The following RTTN variants were observed in gnomAD, a reference collection of about 807,000 sequenced individuals.
RTTN encodes rotatin.
RTTN carries 182 observed loss-of-function variants against 269.2 expected under a neutral mutation model. The ratio of observed to expected loss-of-function variants is 0.68; its 90% CI spans 0.60 to 0.76. The LOEUF (loss-of-function observed/expected upper bound fraction) is 0.76, where lower values mean the gene tolerates loss of function less well. RTTN is among the 30% of genes least tolerant of loss of function. RTTN has a pLI of 0.00. For missense variants in RTTN, 2,545 were observed against 2,608.6 expected, an observed-to-expected ratio of 0.98 and a Z score of 0.53; for synonymous variants, 1,006 against 963.5, an observed-to-expected ratio of 1.04 and a Z score of -0.82.
intron 28 of RTTN, among the ~76,000 whole-genome samples, chr18:70,103,099 G>A (rs2145370561): frequency 6.8e-6 from 1 of 147,950 alleles, no homozygotes; most frequent in Non-Finnish European, 1.5e-5. Context: ...TCTGGGATGT[G>A]AGGAGCGCCT....
chr18:70,071,440 A>G (rs2145030378), intron 34 of RTTN, among the ~76,000 whole-genome samples: 1 of 152,304 alleles, frequency 6.6e-6, no homozygotes, highest in Admixed American at 6.5e-5. Flanking sequence ...AACAGAAGAG[A>G]CCAAATTTTG....
Position 70,088,138 on chromosome 18 carries a change from T to A in RTTN, c.4153A>T (p.Thr1385Ser). 6.2e-7 allele frequency: 1 copy of A among 1,612,270 alleles called. No individual in the cohort carries two copies. Among genetic ancestry groups the A allele is most frequent in the Non-Finnish European group, 8.5e-7 (1 of 1,179,314 alleles). The change falls in exon 31 of 49, where the codon ACT becomes TCT. Residue 1385 changes from threonine (T) to serine (S), a missense_variant. Transcript: ENST00000640769. The part of the protein sequence containing the change: ...WVDRDPEVRF[T>S]SLGLGSALTT... ...AGTGCTGATCCTAATCCCAGTGAAGTGAATCTCACCTGTTCAAATTAAAGA... is the reference window on the plus strand; with the variant it reads ...AGTGCTGATCCTAATCCCAGTGAAGAGAATCTCACCTGTTCAAATTAAAGA...
chr18:70,086,579 T>C (rs1568354240), intron 32 of RTTN, 34 bp downstream of exon 32: 2 of 1,428,394 alleles, frequency 1.4e-6, no homozygotes, highest in Non-Finnish European at 9.7e-7. Flanking sequence ...ATTTGAAACA[T>C]CTACTAGGTT....
intron 23 of RTTN, among the ~76,000 whole-genome samples, chr18:70,132,447 T>C (rs75605236): frequency 1.2e-3 from 182 of 151,750 alleles, no homozygotes; most frequent in African/African-American, 4.2e-3. Flanking sequence ...TCATAGAAAA[T>C]ATTTTCTAAT....
intron 25 of RTTN, among the ~76,000 whole-genome samples, chr18:70,123,325 A>G (rs1327239639): frequency 6.6e-6 from 1 of 151,876 alleles, no homozygotes; most frequent in Non-Finnish European, 1.5e-5. Flanking sequence ...CACCTCAAAT[A>G]CTTATTTCTC....
chr18:70,140,759 A>C lies in RTTN; in HGVS notation c.2582-571T>G, dbSNP rs181993877. Among the ~76,000 whole-genome samples the C allele has an allele frequency of 2.0e-5, 3 of 152,272 alleles. No individual in the cohort carries two copies. The East Asian group carries it at 5.8e-4, about 29-fold the overall frequency. ...TTCACATATTATGTTTGTAATAAAG[A>C]AGTTTTTGTATATACATAAAAAAAT... On this transcript the variant is annotated intron_variant, in intron 19 of 48. Coordinates refer to ENST00000640769, the MANE Select transcript of RTTN (RefSeq NM_173630.4).
rs377013372 is a variant in RTTN at position 70,121,628 on chromosome 18, T to C, written c.3456A>G (p.Lys1152=). ...AATTTTTTCTTTGTTCCTTTATTAA[T>C]TTATTTAAAAAATGTATGATATCTA... The part of the protein sequence containing the change: ...LLIDIIHFLN[K]LIKEQRKNSS... Residue 1152 remains lysine, a synonymous_variant, in exon 26 of 49, where the codon AAA becomes AAG. Coordinates refer to ENST00000640769, the MANE Select transcript of RTTN (RefSeq NM_173630.4). 1.1e-5 allele frequency: 18 copies of C among 1,580,594 alleles called. 1 individual carries two copies. In the African/African-American group the frequency reaches 2.5e-4, roughly 22 times the overall value.
Position 70,065,836 on chromosome 18 carries a change from C to A in RTTN, c.4740G>T (p.Val1580=). Residue 1580 remains valine, a synonymous_variant, in exon 35 of 49, where the codon GTG becomes GTT. Transcript: ENST00000640769. ...LLPEASHDQF[V]AQGHQESTSP... Reference sequence around the variant, plus strand: ...TCTTCACTAAAAGGATACCTTGAGCCACAAACTGGTCATGGGAGGCTTCAG... The same window carrying A: ...TCTTCACTAAAAGGATACCTTGAGCAACAAACTGGTCATGGGAGGCTTCAG... The A allele has an allele frequency of 1.3e-6, 2 of 1,588,356 alleles. No individual in the cohort carries two copies. The highest frequency in any genetic ancestry group is 1.2e-5 in the South Asian group (1 of 86,082).
chr18:70,089,255 C>A (rs933423944), intron 30 of RTTN, among the ~76,000 whole-genome samples: 1 of 152,160 alleles, frequency 6.6e-6, no homozygotes, highest in Non-Finnish European at 1.5e-5. Context: ...TGGGACCCTA[C>A]TGCACTAGGA....
intron 10 of RTTN, among the ~76,000 whole-genome samples, chr18:70,182,345 G>A (rs2061438576): frequency 6.6e-6 from 1 of 151,948 alleles, no homozygotes; most frequent in Non-Finnish European, 1.5e-5. Context: ...AAGGATTTCA[G>A]ACAGCCTGTA....
chr18:70,048,963 A>G (rs1599270994), intron 39 of RTTN, among the ~76,000 whole-genome samples: 2 of 152,338 alleles, frequency 1.3e-5, no homozygotes, highest in South Asian at 4.1e-4. Context: ...TTATGCAGTA[A>G]GTTACTTTTG....
At chr18:70,192,998 T>C (rs1020339971) in intron 8 of RTTN, 5 of 259,148 alleles carry the variant, frequency 1.9e-5, no homozygotes, top group South Asian at 1.6e-4. Context: ...AATACTATTA[T>C]GTGAACATTT....
At chr18:70,025,717 C>T (rs536447524) in intron 43 of RTTN, among the ~76,000 whole-genome samples, 1 of 152,294 alleles carries the variant, frequency 6.6e-6, no homozygotes, top group African/African-American at 2.4e-5. Context: ...AAGACAGAAA[C>T]GATTAAGTAC....
intron 34 of RTTN, among the ~76,000 whole-genome samples, chr18:70,071,193 T>C (rs1342392034): frequency 2.0e-5 from 3 of 152,168 alleles, no homozygotes; most frequent in East Asian, 3.9e-4. Flanking sequence ...ATTTCCTCTT[T>C]TGCAAAATAG....
chr18:70,082,826 G>C (rs1300395050), intron 32 of RTTN, among the ~76,000 whole-genome samples: 1 of 152,006 alleles, frequency 6.6e-6, no homozygotes, highest in Non-Finnish European at 1.5e-5. Flanking sequence ...GAGTAGCTAG[G>C]GACTACAGGT....
rs571267586 is a variant in RTTN at position 70,118,229 on chromosome 18, T to TA, written c.3528+3326dup. ...ATTGACAAACCTTTAGCTAGACTAA[T>TA]AAAAAAAGAAGACAAAATGAGAAAC... is the stretch of plus-strand genomic sequence containing the variant. On this transcript the variant is annotated intron_variant, in intron 26 of 48. Coordinates refer to ENST00000640769, the MANE Select transcript of RTTN (RefSeq NM_173630.4). Among the ~76,000 whole-genome samples, 913 of 151,570 alleles carry TA rather than the reference T, an allele frequency of 6.0e-3. 3 individuals are homozygous for TA. Among genetic ancestry groups the TA allele is most frequent in the Middle Eastern group, 0.01 (3 of 294 alleles).
rs775191510 is a variant in RTTN, at chr18:70,092,152, T to C, written c.4101A>G (p.Gly1367=). 4 of 1,613,410 alleles carry C rather than the reference T, an allele frequency of 2.5e-6. No homozygotes were observed. Among genetic ancestry groups the C allele is most frequent in the African/African-American group, 2.7e-5 (2 of 74,872 alleles). ...CCCATAATGGAATCAACCAAGCCAA[T>C]CCTTGTTGAGTAGGAATATGTTCTT... ...HSEEHIPTQQ[G]LAWLIPLWVD... is the part of the protein sequence containing the mutation. The change falls in exon 30 of 49, where the codon GGA becomes GGG. Residue 1367 remains glycine, a synonymous_variant. Coordinates refer to ENST00000640769, the MANE Select transcript of RTTN (RefSeq NM_173630.4).
In RTTN at chr18:70,109,538, G is replaced by A. The variant is rs554362605; in HGVS notation, c.3863C>T (p.Pro1288Leu). 6.8e-6 allele frequency: 11 copies of A among 1,614,002 alleles called. No homozygotes were observed. The highest frequency in any genetic ancestry group is 8.5e-6 in the Non-Finnish European group (10 of 1,179,998). The change falls in exon 28 of 49, where the codon CCT (proline) becomes CTT (leucine). Residue 1288 changes from proline (P) to leucine (L), a missense_variant. Coordinates refer to ENST00000640769, the MANE Select transcript of RTTN (RefSeq NM_173630.4). ...GWSSHSPLTKPLDICVKYLSG... is the reference protein window; with the variant it reads ...GWSSHSPLTKLLDICVKYLSG... ...CAAGTACTTCACACAGATATCTAGA[G>A]GCTTTGTGAGAGGAGAGTGTGAGCT...
chr18:70,163,094 A>C, intron 14 of RTTN, among the ~76,000 whole-genome samples: 2 of 146,552 alleles, frequency 1.4e-5, no homozygotes, highest in African/African-American at 5.1e-5. Context: ...AAAAAAAAAA[A>C]AAAACAAGGC....
Sources: gnomAD v4.1 joint callset for allele counts (sites outside exome capture counted in the v4.1 genomes callset) on GRCh38, gnomAD v4.1.1 for gene constraint, MANE v1.5 for transcripts, NCBI Gene and HGNC (gene_info 2026-07-23, HGNC 2026-07-21) for gene names.